RNFT2: variants seen among roughly 807,000 people sequenced by gnomAD.
The protein encoded by RNFT2 is ring finger protein, transmembrane 2, also known as E3 ubiquitin-protein ligase RNFT2.
RNFT2 carries 36 observed loss-of-function variants against 53.0 expected under a neutral mutation model. The ratio of observed to expected loss-of-function variants is 0.68; its 90% CI spans 0.52 to 0.90. The LOEUF (loss-of-function observed/expected upper bound fraction) is 0.90, where lower values mean the gene tolerates loss of function less well. Ranked by LOEUF, RNFT2 falls within the 40% of genes least tolerant of loss-of-function variation. RNFT2 has a pLI of 0.00. For synonymous variants in RNFT2, 260 were observed against 253.2 expected (o/e 1.03, Z -0.26); for missense variants, 514 against 585.6 (o/e 0.88, Z 1.26).
chr12:116,830,554 T>C (rs1469882973), intron 7 of RNFT2, among the ~76,000 whole-genome samples: 1 of 152,136 alleles, frequency 6.6e-6, no homozygotes, highest in African/African-American at 2.4e-5. Context: ...TCCCAAAGTG[T>C]TGGGAGTACA....
Position 116,845,243 on chromosome 12 carries a change from C to CAAAAAAA in RNFT2, c.1201-4061_1201-4055dup, listed in dbSNP as rs66920809. On this transcript the variant is annotated intron_variant, in intron 10 of 10. Transcript: ENST00000257575. ...TGGATGACAGAGCAAGACCCGGTTTCAAAAAAAAAAAAAAAATATATATAT... is the reference window on the plus strand; with the variant it reads ...TGGATGACAGAGCAAGACCCGGTTTCAAAAAAAAAAAAAAAAAAAAAAATATATATAT... Among the ~76,000 whole-genome samples the CAAAAAAA allele has an allele frequency of 4.9e-3, 407 of 82,728 alleles. 11 individuals are homozygous for CAAAAAAA. Among genetic ancestry groups the CAAAAAAA allele is most frequent in the East Asian group, 0.047 (134 of 2,868 alleles). The allele number at this position is 82,728 out of a possible 152,430, so 54.3% of individuals were successfully genotyped here.
At chr12:116,829,532 G>A (rs1876526263) in intron 7 of RNFT2, among the ~76,000 whole-genome samples, 1 of 152,244 alleles carries the variant, frequency 6.6e-6, no homozygotes, top group South Asian at 2.1e-4. Context: ...GCCCTTTCTT[G>A]GTCCTTGGTA....
chr12:116,750,853 T>C, intron 4 of RNFT2, among the ~76,000 whole-genome samples: 1 of 16,326 alleles, frequency 6.1e-5, no homozygotes. Flanking sequence ...ATATATATAA[T>C]ATATATTATA....
chr12:116,752,148 G>A (rs930517532), intron 4 of RNFT2, among the ~76,000 whole-genome samples: 8 of 151,842 alleles, frequency 5.3e-5, no homozygotes, highest in South Asian at 2.1e-4. Flanking sequence ...CTGGGAGTTC[G>A]AGACCAGCCT....
At chr12:116,776,986 C>T (rs11068182) in intron 6 of RNFT2, among the ~76,000 whole-genome samples, 8,633 of 147,396 alleles carry the variant, frequency 0.059, 659 homozygotes, top group African/African-American at 0.17. Context: ...GGCACGATCT[C>T]GGCTCACTGC....
intron 3 of RNFT2, among the ~76,000 whole-genome samples, chr12:116,741,501 TG>T (rs1871607548): frequency 6.6e-6 from 1 of 152,254 alleles, no homozygotes; most frequent in African/African-American, 2.4e-5. Context: ...TCTGGTTCAC[TG>T]ATGGCCATTC....
At chr12:116,781,485 A>T (rs1341171860) in intron 7 of RNFT2, among the ~76,000 whole-genome samples, 1 of 152,136 alleles carries the variant, frequency 6.6e-6, no homozygotes, top group East Asian at 1.9e-4. Context: ...GGAGGTTAGG[A>T]GTCCAAAGTG....
Position 116,851,936 on chromosome 12 carries a change from C to T in RNFT2, c.*2488C>T. The T allele has an allele frequency of 1.3e-6, 2 of 1,531,120 alleles. No homozygotes were observed. The highest frequency in any genetic ancestry group is 1.7e-6 in the Non-Finnish European group (2 of 1,145,068). 94.8% of individuals were successfully genotyped at this position (1,531,120 alleles called of 1,614,324 possible). On this transcript the variant is annotated 3_prime_UTR_variant, in exon 11 of 11. Transcript: ENST00000257575. Reference sequence around the variant, plus strand: ...CAGCTCCTGTGGACATTGCCATCCCCTCTGGTAGCCTTCAGAGCAAACAGG... The same window carrying T: ...CAGCTCCTGTGGACATTGCCATCCCTTCTGGTAGCCTTCAGAGCAAACAGG...
chr12:116,757,439 CTT>C (rs904176540), intron 5 of RNFT2, among the ~76,000 whole-genome samples: 6 of 152,078 alleles, frequency 3.9e-5, no homozygotes, highest in African/African-American at 1.4e-4. Context: ...CTCTTTCAGT[CTT>C]TTTGATGTAA....
At chr12:116,841,856 AAAAT>A (rs1565876100) in intron 10 of RNFT2, among the ~76,000 whole-genome samples, 2 of 24,118 alleles carry the variant, frequency 8.3e-5, no homozygotes, top group African/African-American at 3.1e-4. Context: ...AATATATATA[AAAAT>A]ATATATATAA....
intron 10 of RNFT2, among the ~76,000 whole-genome samples, chr12:116,836,890 A>G (rs1474590147): frequency 6.6e-6 from 1 of 152,104 alleles, no homozygotes; most frequent in African/African-American, 2.4e-5. Flanking sequence ...AGGTCATGCC[A>G]CTGCACTCCA....
intron 7 of RNFT2, among the ~76,000 whole-genome samples, chr12:116,819,238 C>A (rs1875855763): frequency 6.6e-6 from 1 of 152,192 alleles, no homozygotes; most frequent in South Asian, 2.1e-4. Flanking sequence ...GGGGAGTGGA[C>A]GCGCAAAGAT....
chr12:116,848,806 TTTTG>T (rs778202197), intron 10 of RNFT2, among the ~76,000 whole-genome samples: 58 of 150,128 alleles, frequency 3.9e-4, no homozygotes, highest in African/African-American at 8.2e-4. Flanking sequence ...CCCTCCTGCT[TTTTG>T]TTTGTTTGTT....
intron 7 of RNFT2, among the ~76,000 whole-genome samples, chr12:116,780,516 G>A (rs1873647100): frequency 1.3e-5 from 2 of 152,198 alleles, no homozygotes; most frequent in South Asian, 2.1e-4. Context: ...TGTGCGACCT[G>A]GTTCCTAACA....
chr12:116,765,932 A>C (rs1872893943), intron 5 of RNFT2, among the ~76,000 whole-genome samples: 1 of 152,144 alleles, frequency 6.6e-6, no homozygotes, highest in African/African-American at 2.4e-5. Flanking sequence ...AACTCTTAAT[A>C]ATCAGTCCTA....
rs1194752763 is a variant in RNFT2, at chr12:116,853,352, CT to C, written c.*3906del. 5.1e-6 allele frequency: 2 copies of C among 395,854 alleles called. No individual in the cohort carries two copies. The highest frequency in any genetic ancestry group is 8.9e-6 in the Non-Finnish European group (2 of 224,942). The allele number at this position is 395,854 out of a possible 1,614,324, so 24.5% of individuals were successfully genotyped here. On this transcript the variant is annotated 3_prime_UTR_variant, in exon 11 of 11. Transcript: ENST00000257575. The stretch of plus-strand genomic sequence containing the variant: ...CCACGAAGTCCTTAGAAATGGACCT[CT>C]TCATGTAAAATATCTTGAGAATAAT...
rs1016351919 is a variant in RNFT2, at chr12:116,851,841, T to A, written c.*2393T>A. ...TGGCCCAGATGTGGTTACCCCTTGG[T>A]CTCCTGTCTTTATGTCTTTCTCCTC... On this transcript the variant is annotated 3_prime_UTR_variant, in exon 11 of 11. Coordinates refer to ENST00000257575, the MANE Select transcript of RNFT2 (RefSeq NM_001382266.1). 6.3e-6 allele frequency: 9 copies of A among 1,427,922 alleles called. No individual in the cohort carries two copies. Among genetic ancestry groups the A allele is most frequent in the Non-Finnish European group, 8.6e-6 (9 of 1,047,934 alleles). The allele number at this position is 1,427,922 out of a possible 1,614,324, so 88.5% of individuals were successfully genotyped here.
rs1403356904 is a variant in RNFT2 at position 116,806,393 on chromosome 12, TATATATAG to T, written c.882+27049_882+27056del. On this transcript the variant is annotated intron_variant, in intron 7 of 10. Transcript: ENST00000257575. ...AAAAAAAAAAAAAAATATATATATA[TATATATAG>T]ATAGATAGATAGATAGATAGATAGA... Among the ~76,000 whole-genome samples the T allele has an allele frequency of 3.8e-3, 307 of 80,864 alleles. 1 individual carries two copies. The highest frequency in any genetic ancestry group is 0.02 in the East Asian group (64 of 3,276). 53.0% of individuals were successfully genotyped at this position (80,864 alleles called of 152,430 possible). A position where few individuals can be genotyped will look rare whatever the true frequency, so the allele number is the denominator to read the frequency against.
chr12:116,801,355 C>T (rs1874784498), intron 7 of RNFT2: 1 of 152,300 alleles, frequency 6.6e-6, no homozygotes, highest in Non-Finnish European at 1.5e-5. Flanking sequence ...CTTTCTGTTG[C>T]CAGGAAGATT....
Sources: allele counts gnomAD v4.1 joint callset (sites outside exome capture counted in the v4.1 genomes callset), GRCh38; gene constraint gnomAD v4.1.1; transcripts MANE v1.5; gene names NCBI Gene and HGNC (gene_info 2026-07-23, HGNC 2026-07-21).